The following LAMA5 variants were observed in gnomAD, a reference collection of about 807,000 sequenced individuals.
LAMA5 encodes laminin subunit alpha 5.
A neutral mutation model predicts 433.4 loss-of-function variants in LAMA5; 260 were observed. The ratio of observed to expected loss-of-function variants is 0.60; its 90% CI spans 0.54 to 0.66. LAMA5 has a LOEUF of 0.66. Ranked by LOEUF, LAMA5 falls within the 30% of genes least tolerant of loss-of-function variation. The probability of loss-of-function intolerance (pLI) is 0.00; values close to 1 mark genes in which losing one functional copy is unlikely to be tolerated. For missense variants in LAMA5, 5,378 were observed against 5,258.5 expected (o/e 1.02, Z -0.70); for synonymous variants, 2,620 against 2,226.6 (o/e 1.18, Z -4.97).
chr20:62,335,343 C>G (rs906331047), intron 18 of LAMA5, 74 bp from the exon 19 acceptor site: 2 of 1,469,926 alleles, frequency 1.4e-6, no homozygotes, highest in Non-Finnish European at 1.9e-6. Flanking sequence ...GAGGAACCCC[C>G]ACACCCTAAC....
chr20:62,330,305 T>C (rs1980114768), intron 31 of LAMA5, among the ~76,000 whole-genome samples, 183 bp downstream of exon 31: 1 of 152,216 alleles, frequency 6.6e-6, no homozygotes, highest in Admixed American at 6.5e-5. Flanking sequence ...CCCAGGCTTT[T>C]CTGGGAACGG....
rs757701651 is a variant in LAMA5 at position 62,333,554 on chromosome 20, CCT to C, written c.3021+8_3021+9del. 17 of 1,565,460 alleles carry C rather than the reference CCT, an allele frequency of 1.1e-5. No individual in the cohort carries two copies. Among genetic ancestry groups the C allele is most frequent in the Non-Finnish European group, 1.4e-5 (16 of 1,155,354 alleles). ...CCGGCCCCCAGCCCTCACTCTGGCC[CCT>C]GCCTCACCAGGAGCACCCCTTCGGC... is the stretch of plus-strand genomic sequence containing the variant. On this transcript the variant is annotated splice_region_variant and intron_variant, in intron 24 of 79. Transcript: ENST00000252999.
intron 32 of LAMA5, 22 bp from the exon 33 acceptor site, chr20:62,329,275 CT>C (rs757811347): frequency 1.3e-6 from 2 of 1,570,852 alleles, no homozygotes; most frequent in Non-Finnish European, 1.7e-6. Context: ...GGCCTGGTCA[CT>C]CTCCCGCGGG....
At chr20:62,356,881 C>G (rs546015589) in intron 2 of LAMA5, among the ~76,000 whole-genome samples, 1 of 152,238 alleles carries the variant, frequency 6.6e-6, no homozygotes, top group African/African-American at 2.4e-5. Flanking sequence ...GCAGCCACCC[C>G]GCAGAGACGC....
rs1241018387 is a variant in LAMA5 at position 62,334,051 on chromosome 20, T to C, written c.2740-12A>G. On this transcript the variant is annotated splice_polypyrimidine_tract_variant and intron_variant, in intron 22 of 79. Coordinates refer to ENST00000252999, the MANE Select transcript of LAMA5 (RefSeq NM_005560.6). ...GCCACGATCCTGGGCTGGGTGGGCA[T>C]GGAGCGTCGGGTCACTCTCCCTGAC... 1 of 1,607,850 alleles carries C rather than the reference T, an allele frequency of 6.2e-7. No homozygotes were observed. Among genetic ancestry groups the C allele is most frequent in the Non-Finnish European group, 8.5e-7 (1 of 1,176,192 alleles).
intron 57 of LAMA5, 104 bp from the exon 58 acceptor site, chr20:62,316,162 G>A (rs539676481): frequency 5.0e-5 from 37 of 741,096 alleles, no homozygotes; most frequent in African/African-American, 3.3e-4. Context: ...CTGACACACA[G>A]CAGACAGATG....
chr20:62,334,758 C>CTCAGGGCGAGGGCGAGGGCGAGGGT (rs56242777), intron 20 of LAMA5, 137 bp from the exon 21 acceptor site: 5 of 519,402 alleles, frequency 9.6e-6, no homozygotes, highest in Non-Finnish European at 1.6e-5. Context: ...GGGCTCAGGG[C>CTCAGGGCGAGGGCGAGGGCGAGGGT]GAGGGCGAGG....
chr20:62,358,854 T>C (rs1310783160), intron 2 of LAMA5, among the ~76,000 whole-genome samples: 2 of 152,118 alleles, frequency 1.3e-5, no homozygotes, highest in Non-Finnish European at 2.9e-5. Flanking sequence ...GTACCCCCAC[T>C]TGGAGGGGAC....
chr20:62,311,549 G>A lies in LAMA5; in HGVS notation c.9807-13C>T, dbSNP rs917466465. 3 of 1,609,634 alleles carry A rather than the reference G, an allele frequency of 1.9e-6. No homozygotes were observed. Among genetic ancestry groups the A allele is most frequent in the South Asian group, 2.2e-5 (2 of 90,844 alleles). On this transcript the variant is annotated splice_polypyrimidine_tract_variant and intron_variant, in intron 71 of 79. Coordinates refer to ENST00000252999, the MANE Select transcript of LAMA5 (RefSeq NM_005560.6). Reference sequence around the variant, plus strand: ...TGGGCCCAGGAGCCTGTGCAGGGCGGGCAGGCGGTCAGCAGCTGCGGAAGG... The same window carrying A: ...TGGGCCCAGGAGCCTGTGCAGGGCGAGCAGGCGGTCAGCAGCTGCGGAAGG...
At chr20:62,317,063 G>A (rs372184114) in intron 55 of LAMA5, 40 bp from the exon 56 acceptor site, 6 of 1,495,114 alleles carry the variant, frequency 4.0e-6, no homozygotes, top group Non-Finnish European at 4.4e-6. Context: ...GGTAAGCGCA[G>A]ACGCCCTCGG....
At chr20:62,353,093 C>G in intron 3 of LAMA5, 41 bp downstream of exon 3, 2 of 1,445,092 alleles carry the variant, frequency 1.4e-6, no homozygotes, top group Admixed American at 4.0e-5. Context: ...CCAGGGACCC[C>G]CCTGCCTCTC....
intron 50 of LAMA5, 81 bp from the exon 51 acceptor site, chr20:62,319,876 G>A (rs1392880488): frequency 5.5e-6 from 6 of 1,082,944 alleles, no homozygotes; most frequent in East Asian, 2.6e-5. Flanking sequence ...GTCTGGGGGA[G>A]CGCCGAGGGT....
At chr20:62,348,226 G>T (rs1983667133) in intron 6 of LAMA5, among the ~76,000 whole-genome samples, 2 of 152,106 alleles carry the variant, frequency 1.3e-5, no homozygotes, top group South Asian at 4.1e-4. Flanking sequence ...AATGTGGCAG[G>T]TCAGCAGAAA....
intron 48 of LAMA5, among the ~76,000 whole-genome samples, chr20:62,321,168 C>T (rs1041254839): frequency 4.7e-5 from 2 of 42,514 alleles, no homozygotes; most frequent in African/African-American, 9.0e-5. Flanking sequence ...GGGGCGGGGC[C>T]GGTGGAGGCA....
In LAMA5 at chr20:62,351,891, G is replaced by T. The variant is rs745982204; in HGVS notation, c.858+18C>A. On this transcript the variant is annotated intron_variant, in intron 5 of 79. Coordinates refer to ENST00000252999, the MANE Select transcript of LAMA5 (RefSeq NM_005560.6). ...CCCGGCCAGTCCCCCTCCCCCGCCTGCGCCATGGGCAGCTCACCCGGCGGG... is the reference window on the plus strand; with the variant it reads ...CCCGGCCAGTCCCCCTCCCCCGCCTTCGCCATGGGCAGCTCACCCGGCGGG... The T allele has an allele frequency of 6.3e-7, 1 of 1,584,260 alleles. No homozygotes were observed. Among genetic ancestry groups the T allele is most frequent in the Non-Finnish European group, 8.6e-7 (1 of 1,166,360 alleles).
chr20:62,351,681 G>T, intron 6 of LAMA5, 23 bp downstream of exon 6: 4 of 1,590,788 alleles, frequency 2.5e-6, no homozygotes, highest in Non-Finnish European at 1.7e-6. Flanking sequence ...CCTGAACGGG[G>T]CCTCACCTGA....
At chr20:62,334,656 G>A (rs1468625093) in intron 20 of LAMA5, 35 bp from the exon 21 acceptor site, 3 of 1,496,652 alleles carry the variant, frequency 2.0e-6, no homozygotes. Flanking sequence ...GAGGCTGCCT[G>A]GCCCCCACCC....
Position 62,335,090 on chromosome 20 carries a change from C to T in LAMA5, c.2413G>A (p.Gly805Ser), listed in dbSNP as rs770240837. ...TCCTTGCAGGACGCGCAGGCCTGGCCGCACACGTGGGGCTTGCAGAAGCAC... is the reference window on the plus strand; with the variant it reads ...TCCTTGCAGGACGCGCAGGCCTGGCTGCACACGTGGGGCTTGCAGAAGCAC... The part of the protein sequence containing the change: ...GQCFCKPHVC[G>S]QACASCKDGF... Residue 805 changes from glycine (G) to serine (S), a missense_variant, in exon 20 of 80, where the codon GGC (glycine) becomes AGC (serine). By Grantham distance (56) the Gly-to-Ser change is moderately conservative. Coordinates refer to ENST00000252999, the MANE Select transcript of LAMA5 (RefSeq NM_005560.6). 1.2e-5 allele frequency: 20 copies of T among 1,612,922 alleles called. No individual in the cohort carries two copies. Among genetic ancestry groups the T allele is most frequent in the African/African-American group, 2.7e-5 (2 of 74,880 alleles).
chr20:62,350,229 T>C (rs971123566), intron 6 of LAMA5, among the ~76,000 whole-genome samples: 2 of 152,012 alleles, frequency 1.3e-5, no homozygotes, highest in Non-Finnish European at 2.9e-5. Flanking sequence ...TGGGTTCCAC[T>C]CCCTGCTGTC....
Sources: allele counts gnomAD v4.1 joint callset (sites outside exome capture counted in the v4.1 genomes callset), GRCh38; gene constraint gnomAD v4.1.1; transcripts MANE v1.5; gene names NCBI Gene and HGNC (gene_info 2026-07-23, HGNC 2026-07-21).